ELOVL7: variants seen among roughly 807,000 people sequenced by gnomAD.
The protein encoded by ELOVL7 is very long chain fatty acid elongase 7.
Under a neutral mutation model 35.7 loss-of-function variants are expected in ELOVL7, and 27 were observed. The ratio of observed to expected loss-of-function variants is 0.76; its 90% CI spans 0.56 to 1.04. ELOVL7 has a LOEUF of 1.04. Ranked by LOEUF, ELOVL7 falls within the 50% of genes least tolerant of loss-of-function variation. The pLI is 0.00. For synonymous variants in ELOVL7, 113 were observed against 114.6 expected (o/e 0.99, Z 0.09); for missense variants, 327 against 340.8 (o/e 0.96, Z 0.32).
intron 1 of ELOVL7, among the ~76,000 whole-genome samples, chr5:60,815,381 G>T (rs1264381876): frequency 6.6e-6 from 1 of 152,066 alleles, no homozygotes; most frequent in African/African-American, 2.4e-5. Context: ...TTACACTCAG[G>T]TAATGAAATA....
intron 1 of ELOVL7, among the ~76,000 whole-genome samples, chr5:60,837,782 A>C (rs747757367): frequency 3.9e-5 from 6 of 152,076 alleles, no homozygotes; most frequent in Non-Finnish European, 2.9e-5. Context: ...GTCTCTACTA[A>C]AAATACAAAA....
At chr5:60,780,723 C>T (rs541317545) in intron 3 of ELOVL7, among the ~76,000 whole-genome samples, 5 of 152,178 alleles carry the variant, frequency 3.3e-5, no homozygotes, top group African/African-American at 9.6e-5. Flanking sequence ...AGGGGAAATG[C>T]CAGATGCTTA....
rs922992394 is a variant in ELOVL7, at chr5:60,754,473, G to A, written c.*151C>T. The A allele has an allele frequency of 1.8e-5, 12 of 651,838 alleles. No individual in the cohort carries two copies. The highest frequency in any genetic ancestry group is 4.5e-5 in the South Asian group (2 of 44,602). The allele number at this position is 651,838 out of a possible 1,614,324, so 40.4% of individuals were successfully genotyped here. A position where few individuals can be genotyped will look rare whatever the true frequency, so the allele number is the denominator to read the frequency against. On this transcript the variant is annotated 3_prime_UTR_variant, in exon 9 of 9. Transcript: ENST00000508821. ...CAGAAGACTGTTATCTGGAAGCTTC[G>A]GGCTCTCAAATATCAGACATCCCAA... is the stretch of plus-strand genomic sequence containing the variant.
chr5:60,835,162 C>A (rs2112397667), intron 1 of ELOVL7, among the ~76,000 whole-genome samples: 1 of 149,288 alleles, frequency 6.7e-6, no homozygotes, highest in East Asian at 2.0e-4. Context: ...TGCACTCCAG[C>A]CTGGGTGACA....
chr5:60,837,297 C>T (rs1264904318), intron 1 of ELOVL7, among the ~76,000 whole-genome samples: 253 of 15,032 alleles, frequency 0.017, 3 homozygotes, highest in Non-Finnish European at 5.7e-3. Context: ...GCCGGGCAGG[C>T]GTGGTAGGGC....
At chr5:60,789,598 C>T (rs747018306) in intron 2 of ELOVL7, among the ~76,000 whole-genome samples, 3 of 152,180 alleles carry the variant, frequency 2.0e-5, no homozygotes, top group Non-Finnish European at 4.4e-5. Flanking sequence ...TTTAACACAG[C>T]ATTTCTACTT....
chr5:60,797,012 G>C (rs1344737587), intron 2 of ELOVL7, among the ~76,000 whole-genome samples: 1 of 152,168 alleles, frequency 6.6e-6, no homozygotes, highest in Non-Finnish European at 1.5e-5. Flanking sequence ...AGTCTGAAGT[G>C]AATATTTTTG....
At chr5:60,782,483 G>C (rs1296250330) in intron 3 of ELOVL7, among the ~76,000 whole-genome samples, 2 of 152,188 alleles carry the variant, frequency 1.3e-5, no homozygotes, top group Non-Finnish European at 1.5e-5. Flanking sequence ...TAATAGCCAA[G>C]ATGTGGAATC....
intron 1 of ELOVL7, among the ~76,000 whole-genome samples, chr5:60,822,529 T>C (rs1745947959): frequency 6.6e-6 from 1 of 152,140 alleles, no homozygotes; most frequent in Non-Finnish European, 1.5e-5. Flanking sequence ...AGAGATAGTT[T>C]GGTAAAGTAA....
intron 2 of ELOVL7, among the ~76,000 whole-genome samples, chr5:60,792,461 C>T (rs1743995965): frequency 1.3e-5 from 2 of 152,282 alleles, no homozygotes; most frequent in South Asian, 4.1e-4. Flanking sequence ...CTGTTAACAA[C>T]TGAATTATAT....
At chr5:60,786,218 C>T (rs1193544410) in intron 3 of ELOVL7, among the ~76,000 whole-genome samples, 1 of 152,090 alleles carries the variant, frequency 6.6e-6, no homozygotes, top group African/African-American at 2.4e-5. Flanking sequence ...GAGGCATTAG[C>T]TTCGATGATA....
At chr5:60,766,714 C>T in intron 5 of ELOVL7, 84 bp from the exon 6 acceptor site, 2 of 1,165,374 alleles carry the variant, frequency 1.7e-6, no homozygotes, top group Non-Finnish European at 2.5e-6. Context: ...ATATGCATAC[C>T]ATAAAATCTG....
rs779257014 is a variant in ELOVL7, at chr5:60,767,858, T to C, written c.301A>G (p.Ile101Val). The C allele has an allele frequency of 1.2e-6, 2 of 1,613,964 alleles. No individual in the cohort carries two copies. The highest frequency in any genetic ancestry group is 1.1e-5 in the South Asian group (1 of 91,082). The change falls in exon 5 of 9, where the codon ATT (isoleucine) becomes GTT (valine). Residue 101 changes from isoleucine (I) to valine (V), a missense_variant. Coordinates refer to ENST00000508821, the MANE Select transcript of ELOVL7 (RefSeq NM_024930.3). ...WGIGYSFRCDIVDYSRSPTAL... is the reference protein window; with the variant it reads ...WGIGYSFRCDVVDYSRSPTAL... ...GTGGGTGACCGTGAATAGTCAACAATGTCACATCGAAATGAATAACCTATA... is the reference window on the plus strand; with the variant it reads ...GTGGGTGACCGTGAATAGTCAACAACGTCACATCGAAATGAATAACCTATA...
chr5:60,783,004 T>G (rs988840623), intron 3 of ELOVL7, among the ~76,000 whole-genome samples: 1 of 152,240 alleles, frequency 6.6e-6, no homozygotes, highest in African/African-American at 2.4e-5. Flanking sequence ...AATCATTTTA[T>G]ATTGGATACA....
intron 1 of ELOVL7, among the ~76,000 whole-genome samples, chr5:60,819,648 G>A (rs935289109): frequency 3.9e-4 from 59 of 152,114 alleles, no homozygotes; most frequent in African/African-American, 1.4e-3. Flanking sequence ...TCGGCGTGGT[G>A]GCAGGCGGGC....
intron 3 of ELOVL7, among the ~76,000 whole-genome samples, chr5:60,786,796 G>C (rs377405038): frequency 1.5e-4 from 23 of 151,876 alleles, no homozygotes; most frequent in African/African-American, 4.6e-4. Context: ...CAAAAAATTA[G>C]CCAGGCATGG....
chr5:60,782,928 A>C (rs1743349801), intron 3 of ELOVL7, among the ~76,000 whole-genome samples: 1 of 152,230 alleles, frequency 6.6e-6, no homozygotes, highest in South Asian at 2.1e-4. Context: ...GTAAAAAGTA[A>C]ATTTCAAATG....
chr5:60,808,460 A>G (rs557901836), intron 1 of ELOVL7, among the ~76,000 whole-genome samples: 124 of 152,336 alleles, frequency 8.1e-4, no homozygotes, highest in African/African-American at 2.9e-3. Flanking sequence ...GAAAAATCAA[A>G]TTAAAGAAAT....
chr5:60,837,936 CA>C (rs941321835), intron 1 of ELOVL7, among the ~76,000 whole-genome samples: 1 of 151,456 alleles, frequency 6.6e-6, no homozygotes, highest in Non-Finnish European at 1.5e-5. Flanking sequence ...AACTCTGTCT[CA>C]AAAAAAAGAT....
Sources: gnomAD v4.1 joint callset for allele counts (sites outside exome capture counted in the v4.1 genomes callset) on GRCh38, gnomAD v4.1.1 for gene constraint, MANE v1.5 for transcripts, NCBI Gene and HGNC (gene_info 2026-07-23, HGNC 2026-07-21) for gene names.